Variants in FGF12 observed in about 807,000 individuals in gnomAD.
FGF12 encodes the protein fibroblast growth factor 12B.
A neutral mutation model predicts 23.6 loss-of-function variants in FGF12; 14 were observed. The ratio of observed to expected loss-of-function variants is 0.59; its 90% CI spans 0.39 to 0.93. The LOEUF (loss-of-function observed/expected upper bound fraction) is 0.93. Ranked by LOEUF, FGF12 falls within the 40% of genes least tolerant of loss-of-function variation. The pLI is 0.00. For synonymous variants in FGF12, 62 were observed against 77.3 expected, an observed-to-expected ratio of 0.80 and a Z score of 1.04; for missense variants, 175 against 217.8, an observed-to-expected ratio of 0.80 and a Z score of 1.24.
rs544404321 is a variant in FGF12, at chr3:192,711,300, C to T, written c.13+15881G>A. Among the ~76,000 whole-genome samples the T allele has an allele frequency of 5.0e-3, 650 of 128,880 alleles. 3 individuals are homozygous for T. The highest frequency in any genetic ancestry group is 0.022 in the African/African-American group (625 of 27,866). 84.6% of individuals were successfully genotyped at this position (128,880 alleles called of 152,430 possible). The stretch of plus-strand genomic sequence containing the variant: ...CGGGAGGGAGGTGGGGGGCAGCCCC[C>T]ACCCAGCCAGCCGCCCCATCCGGGA... On this transcript the variant is annotated intron_variant, in intron 2 of 5. Transcript: ENST00000445105.
chr3:192,281,140 T>G (rs1412271021), intron 4 of FGF12, among the ~76,000 whole-genome samples: 1 of 152,174 alleles, frequency 6.6e-6, no homozygotes, highest in Admixed American at 6.6e-5. Flanking sequence ...CAACAAAAAC[T>G]TATTATCTCA....
intron 2 of FGF12, among the ~76,000 whole-genome samples, chr3:192,659,161 T>C (rs1440980754): frequency 6.6e-6 from 1 of 152,186 alleles, no homozygotes; most frequent in Non-Finnish European, 1.5e-5. Flanking sequence ...CCCAGAAAAT[T>C]ATAACTACTG....
chr3:192,216,764 G>T (rs1208636241), intron 4 of FGF12, among the ~76,000 whole-genome samples: 8 of 152,076 alleles, frequency 5.3e-5, no homozygotes, highest in Non-Finnish European at 1.2e-4. Context: ...ACCATTTTCA[G>T]GTGAGAAAAC....
chr3:192,223,522 T>C (rs1018114126), intron 4 of FGF12, among the ~76,000 whole-genome samples: 2 of 152,212 alleles, frequency 1.3e-5, no homozygotes, highest in African/African-American at 4.8e-5. Context: ...AATAATGTTA[T>C]GCCTTTTTAG....
At chr3:192,657,063 A>G (rs920242761) in intron 2 of FGF12, among the ~76,000 whole-genome samples, 10 of 151,902 alleles carry the variant, frequency 6.6e-5, no homozygotes, top group African/African-American at 2.2e-4. Flanking sequence ...TAATCATACA[A>G]TGGTTGCTAT....
intron 2 of FGF12, among the ~76,000 whole-genome samples, chr3:192,586,569 T>C (rs916005310): frequency 6.6e-6 from 1 of 152,202 alleles, no homozygotes; most frequent in Non-Finnish European, 1.5e-5. Context: ...AAATTGGTAT[T>C]AGTGTCTCCA....
chr3:192,199,367 T>C (rs140107761), intron 4 of FGF12, among the ~76,000 whole-genome samples: 1,604 of 152,358 alleles, frequency 0.011, 30 homozygotes, highest in African/African-American at 0.037. Context: ...TAGCATTTCA[T>C]GTAAGACATA....
chr3:192,306,308 A>T (rs1272285607), intron 4 of FGF12, among the ~76,000 whole-genome samples: 1 of 152,130 alleles, frequency 6.6e-6, no homozygotes. Context: ...TAAGCCACTA[A>T]TTCCCACTAC....
chr3:192,254,537 C>A (rs1712254667), intron 4 of FGF12, among the ~76,000 whole-genome samples: 2 of 151,982 alleles, frequency 1.3e-5, no homozygotes, highest in Admixed American at 1.3e-4. Flanking sequence ...ATAAATTTAT[C>A]ATTGAAGATA....
At chr3:192,402,305 C>A (rs145798835) in intron 2 of FGF12, among the ~76,000 whole-genome samples, 163 of 152,290 alleles carry the variant, frequency 1.1e-3, no homozygotes, top group African/African-American at 3.8e-3. Context: ...ATCAAGGCTC[C>A]CGGCATTCAG....
intron 2 of FGF12, among the ~76,000 whole-genome samples, chr3:192,694,323 G>A (rs1295023252): frequency 1.3e-5 from 2 of 151,968 alleles, no homozygotes; most frequent in East Asian, 1.9e-4. Flanking sequence ...CTATTATGAC[G>A]AACAGTATGA....
At chr3:192,374,789 G>A (rs1055268981) in intron 2 of FGF12, among the ~76,000 whole-genome samples, 8 of 152,148 alleles carry the variant, frequency 5.3e-5, no homozygotes, top group Non-Finnish European at 1.0e-4. Context: ...AAAGATTTGA[G>A]CGCAGGCAGC....
intron 2 of FGF12, among the ~76,000 whole-genome samples, chr3:192,472,972 C>T (rs1277058905): frequency 1.3e-5 from 2 of 152,154 alleles, no homozygotes; most frequent in Non-Finnish European, 2.9e-5. Context: ...CTCCCTATGT[C>T]TCTCTCCTTC....
chr3:192,530,822 A>AT (rs56699927), intron 2 of FGF12, among the ~76,000 whole-genome samples: 13,867 of 148,684 alleles, frequency 0.093, 612 homozygotes, highest in Middle Eastern at 0.12. Flanking sequence ...TTGCATTTTA[A>AT]TTTTTTTTTT....
At chr3:192,584,438 T>C (rs1291359071) in intron 2 of FGF12, among the ~76,000 whole-genome samples, 1 of 152,014 alleles carries the variant, frequency 6.6e-6, no homozygotes, top group Non-Finnish European at 1.5e-5. Context: ...GGTCCAGAGA[T>C]ACACTGAGGC....
chr3:192,327,678 C>T (rs914900516), intron 4 of FGF12, among the ~76,000 whole-genome samples: 12 of 151,718 alleles, frequency 7.9e-5, no homozygotes, highest in Non-Finnish European at 1.5e-4. Context: ...CCTAGTTATG[C>T]GTTCTAGACA....
In FGF12 at chr3:192,265,786, T is replaced by A. The variant is rs1021693213; in HGVS notation, c.228+69575A>T. ...TGTGCAGTGTAAAAAGCCTACAATA[T>A]TTACTATCTGGCTCTTTAAGCAAAG... On this transcript the variant is annotated intron_variant, in intron 4 of 5. Transcript: ENST00000445105. Among the ~76,000 whole-genome samples, 4 of 152,214 alleles carry A rather than the reference T, an allele frequency of 2.6e-5. No homozygotes were observed. In the South Asian group the frequency reaches 6.2e-4, roughly 24 times the overall value.
Position 192,220,925 on chromosome 3 carries a change from T to C in FGF12, c.229-50269A>G, listed in dbSNP as rs193117334. Among the ~76,000 whole-genome samples the C allele has an allele frequency of 9.2e-5, 14 of 152,340 alleles. No homozygotes were observed. The East Asian group carries it at 2.7e-3, about 29-fold the overall frequency. ...AATTCCTCTATTATTACTCTCTTTA[T>C]TAGATGAAATGAGACACAAATAAAT... On this transcript the variant is annotated intron_variant, in intron 4 of 5. Coordinates refer to ENST00000445105, the MANE Select transcript of FGF12 (RefSeq NM_004113.6).
Position 192,660,509 on chromosome 3 carries a change from A to T in FGF12, c.13+66672T>A, listed in dbSNP as rs550179405. ...CATGTACCCTAGAACTTAAAGTATA[A>T]AAAAAAAAAAAAAGAAAGAAATTCC... On this transcript the variant is annotated intron_variant, in intron 2 of 5. Coordinates refer to ENST00000445105, the MANE Select transcript of FGF12 (RefSeq NM_004113.6). 4.6e-3 allele frequency among the ~76,000 whole-genome samples: 671 copies of T among 146,286 alleles called. 3 individuals carry two copies. The highest frequency in any genetic ancestry group is 0.018 in the Middle Eastern group (5 of 280).
Sources: allele counts gnomAD v4.1 joint callset (sites outside exome capture counted in the v4.1 genomes callset), GRCh38; gene constraint gnomAD v4.1.1; transcripts MANE v1.5; gene names NCBI Gene and HGNC (gene_info 2026-07-23, HGNC 2026-07-21).